CNTNAP2: variants seen among roughly 807,000 people sequenced by gnomAD.
The protein encoded by CNTNAP2 is contactin associated protein 2.
In CNTNAP2, 98 loss-of-function variants were observed where a neutral mutation model predicts 155.2. The observed-to-expected ratio is 0.63, with a 90% CI of 0.54 to 0.75. CNTNAP2 has a LOEUF of 0.75. CNTNAP2 is among the 30% of genes least tolerant of loss of function. The pLI is 0.00. For missense variants in CNTNAP2, 1,727 were observed against 1,688.1 expected (o/e 1.02, Z -0.40); for synonymous variants, 651 against 631.2 (o/e 1.03, Z -0.47).
chr7:146,146,795 T>A (rs560960429), intron 1 of CNTNAP2, among the ~76,000 whole-genome samples: 239 of 152,190 alleles, frequency 1.6e-3, no homozygotes, highest in Non-Finnish European at 2.3e-3. Context: ...TCCTAAGTAG[T>A]TTCTAAGTAG....
At chr7:147,510,031 C>T (rs916165827) in intron 11 of CNTNAP2, among the ~76,000 whole-genome samples, 2 of 152,024 alleles carry the variant, frequency 1.3e-5, no homozygotes, top group Non-Finnish European at 2.9e-5. Context: ...CTCCTGGGCA[C>T]CATCCCTTCT....
At chr7:148,049,792 A>G (rs1802850697) in intron 15 of CNTNAP2, among the ~76,000 whole-genome samples, 1 of 152,224 alleles carries the variant, frequency 6.6e-6, no homozygotes, top group Non-Finnish European at 1.5e-5. Flanking sequence ...TGACTATGTT[A>G]CTGGTTTATG....
intron 11 of CNTNAP2, among the ~76,000 whole-genome samples, chr7:147,541,712 G>A (rs1422688508): frequency 6.6e-6 from 1 of 152,100 alleles, no homozygotes; most frequent in Non-Finnish European, 1.5e-5. Flanking sequence ...TTTGATCATG[G>A]AATGCATAGA....
chr7:147,460,400 A>G (rs1223361958), intron 10 of CNTNAP2, among the ~76,000 whole-genome samples: 2 of 152,158 alleles, frequency 1.3e-5, no homozygotes, highest in African/African-American at 2.4e-5. Context: ...TCTAAGCAGA[A>G]GTGCTACCTC....
At chr7:147,543,592 G>C (rs1311459679) in intron 11 of CNTNAP2, among the ~76,000 whole-genome samples, 1 of 152,054 alleles carries the variant, frequency 6.6e-6, no homozygotes, top group Non-Finnish European at 1.5e-5. Context: ...CTATAATAAG[G>C]ACATGAAGAT....
chr7:146,470,174 T>C (rs1016137924), intron 1 of CNTNAP2, among the ~76,000 whole-genome samples: 2 of 152,184 alleles, frequency 1.3e-5, no homozygotes, highest in Non-Finnish European at 1.5e-5. Flanking sequence ...CCTCTGTTTT[T>C]CTTTATAAAT....
intron 18 of CNTNAP2, among the ~76,000 whole-genome samples, chr7:148,211,157 G>A (rs1032140628): frequency 1.3e-5 from 2 of 152,192 alleles, no homozygotes; most frequent in African/African-American, 4.8e-5. Context: ...CTGGGCAATG[G>A]AATTCAGCCA....
chr7:148,154,260 C>T (rs528141698), intron 17 of CNTNAP2, among the ~76,000 whole-genome samples: 9 of 152,316 alleles, frequency 5.9e-5, no homozygotes, highest in South Asian at 2.1e-4. Context: ...TGGGGAAGCC[C>T]GCAGCCTCTT....
intron 11 of CNTNAP2, among the ~76,000 whole-genome samples, chr7:147,553,500 C>T (rs1423308627): frequency 6.6e-6 from 1 of 152,136 alleles, no homozygotes; most frequent in African/African-American, 2.4e-5. Context: ...TCTAAAGTCT[C>T]TGAGTACTTT....
intron 1 of CNTNAP2, among the ~76,000 whole-genome samples, chr7:146,650,729 A>G (rs940629019): frequency 6.6e-6 from 1 of 152,160 alleles, no homozygotes; most frequent in South Asian, 2.1e-4. Context: ...CCCCCTCGAT[A>G]TAATGGAAAG....
intron 13 of CNTNAP2, among the ~76,000 whole-genome samples, chr7:147,882,656 A>G (rs1460386577): frequency 5.3e-5 from 8 of 152,228 alleles, no homozygotes; most frequent in Non-Finnish European, 1.2e-4. Context: ...AGGCTTTAAC[A>G]GAATCCCTGC....
At chr7:146,450,031 TTAC>T (rs1796456088) in intron 1 of CNTNAP2, among the ~76,000 whole-genome samples, 1 of 152,226 alleles carries the variant, frequency 6.6e-6, no homozygotes, top group Non-Finnish European at 1.5e-5. Context: ...CAGTATATCC[TTAC>T]ATTATTAAAT....
In CNTNAP2 at chr7:146,882,045, A is replaced by G. The variant is rs938101470; in HGVS notation, c.402+42141A>G. ...TGTACCCAATGTTTAGCTCCCACTT[A>G]TAAGTGAAGATACGCAGTATTTGGT... On this transcript the variant is annotated intron_variant, in intron 3 of 23. Coordinates refer to ENST00000361727, the MANE Select transcript of CNTNAP2 (RefSeq NM_014141.6). Among the ~76,000 whole-genome samples the G allele has an allele frequency of 4.6e-5, 7 of 151,988 alleles. No homozygotes were observed. In the East Asian group the frequency reaches 5.8e-4, roughly 13 times the overall value.
At chr7:148,407,138 T>G (rs1045223849) in intron 22 of CNTNAP2, among the ~76,000 whole-genome samples, 8 of 30,334 alleles carry the variant, frequency 2.6e-4, no homozygotes, top group Non-Finnish European at 3.8e-4. Flanking sequence ...GCCAAGGTTT[T>G]TATTCAAGGT....
chr7:146,686,057 G>A (rs1364755228), intron 1 of CNTNAP2, among the ~76,000 whole-genome samples: 2 of 152,122 alleles, frequency 1.3e-5, no homozygotes, highest in Non-Finnish European at 1.5e-5. Flanking sequence ...AGCACTTTGG[G>A]AGGCTGACAC....
chr7:146,788,194 C>T (rs552505450), intron 2 of CNTNAP2, among the ~76,000 whole-genome samples: 13 of 152,310 alleles, frequency 8.5e-5, no homozygotes, highest in East Asian at 1.9e-4. Context: ...ACCTGGAACC[C>T]GTGTGGCCTG....
intron 10 of CNTNAP2, among the ~76,000 whole-genome samples, chr7:147,408,683 G>A (rs376814277): frequency 6.0e-4 from 92 of 152,258 alleles, no homozygotes; most frequent in African/African-American, 2.1e-3. Context: ...GTGTGAACCC[G>A]GGAGGCGGAG....
intron 1 of CNTNAP2, among the ~76,000 whole-genome samples, chr7:146,429,812 A>G (rs1005311685): frequency 6.6e-6 from 1 of 152,056 alleles, no homozygotes; most frequent in Admixed American, 6.6e-5. Flanking sequence ...CTTACAAGGG[A>G]AATGCTTCCA....
chr7:146,529,523 G>A (rs373447044), intron 1 of CNTNAP2, among the ~76,000 whole-genome samples: 2 of 152,078 alleles, frequency 1.3e-5, no homozygotes, highest in South Asian at 2.1e-4. Context: ...AGAAACAAGC[G>A]ATCGGGAGAA....
Sources: gnomAD v4.1 joint callset for allele counts (sites outside exome capture counted in the v4.1 genomes callset) on GRCh38, gnomAD v4.1.1 for gene constraint, MANE v1.5 for transcripts, NCBI Gene and HGNC (gene_info 2026-07-23, HGNC 2026-07-21) for gene names.